HTR4: variants seen among roughly 807,000 people sequenced by gnomAD.
HTR4 encodes the protein 5-hydroxytryptamine receptor 4, also known as 5-hydroxytryptamine (serotonin) receptor 4, G protein-coupled.
Under a neutral mutation model 36.8 loss-of-function variants are expected in HTR4, and 16 were observed. The ratio of observed to expected loss-of-function variants is 0.43; its 90% CI spans 0.29 to 0.66. The LOEUF (loss-of-function observed/expected upper bound fraction) is 0.66, where lower values mean the gene tolerates loss of function less well. Among genes scored for constraint, HTR4 ranks in the 30% least tolerant of loss-of-function variants. HTR4 has a pLI of 0.13. For missense variants in HTR4, 438 were observed against 490.9 expected (o/e 0.89, Z 1.02); for synonymous variants, 189 against 185.1 (o/e 1.02, Z -0.17).
At chr5:148,628,787 G>A (rs1753213567) in intron 2 of HTR4, 1 of 152,158 alleles carries the variant, frequency 6.6e-6, no homozygotes, top group Non-Finnish European at 1.5e-5. Flanking sequence ...CCAAATTATA[G>A]AAAGGAGCTT....
chr5:148,458,653 C>T (rs762557346), intron 5 of HTR4, among the ~76,000 whole-genome samples: 3 of 152,080 alleles, frequency 2.0e-5, no homozygotes, highest in Non-Finnish European at 4.4e-5. Flanking sequence ...GGGGAGGATG[C>T]AGGCAAAAGG....
At chr5:148,580,650 G>T (rs190986618) in intron 2 of HTR4, among the ~76,000 whole-genome samples, 1 of 152,000 alleles carries the variant, frequency 6.6e-6, no homozygotes, top group Non-Finnish European at 1.5e-5. Context: ...GACTTATGTC[G>T]CTTAACATAA....
rs1754126554 is a variant in HTR4 at position 148,654,197 on chromosome 5, G to T, written c.-183C>A. 3.9e-5 allele frequency: 38 copies of T among 985,238 alleles called. No individual in the cohort carries two copies. The highest frequency in any genetic ancestry group is 3.7e-4 in the South Asian group (8 of 21,334). The allele number at this position is 985,238 out of a possible 1,614,324, so 61.0% of individuals were successfully genotyped here. On this transcript the variant is annotated 5_prime_UTR_variant, in exon 1 of 7. Coordinates refer to ENST00000377888, the MANE Select transcript of HTR4 (RefSeq NM_000870.7). The stretch of plus-strand genomic sequence containing the variant: ...CTGCGCCCTCCCTGCCGCCCCCTCG[G>T]GTGCGGGCTCCAGCCCCCGCGCTGG...
intron 2 of HTR4, among the ~76,000 whole-genome samples, chr5:148,571,542 A>G (rs1760678192): frequency 6.6e-6 from 1 of 152,122 alleles, no homozygotes. Context: ...ATTTCATTTC[A>G]GTATTGTAAA....
chr5:148,479,332 C>G (rs1755802526), downstream of HTR4, among the ~76,000 whole-genome samples: 1 of 152,022 alleles, frequency 6.6e-6, no homozygotes, highest in Admixed American at 6.5e-5. Context: ...GACATAGCTA[C>G]TGGAGAATGC....
intron 2 of HTR4, among the ~76,000 whole-genome samples, chr5:148,554,591 T>C (rs1658822305): frequency 2.6e-5 from 4 of 152,168 alleles, no homozygotes; most frequent in Admixed American, 2.6e-4. Context: ...TTAAGAATTA[T>C]AGAGTGTTTG....
At chr5:148,599,285 C>A (rs535449979) in intron 2 of HTR4, among the ~76,000 whole-genome samples, 2 of 151,890 alleles carry the variant, frequency 1.3e-5, no homozygotes, top group African/African-American at 4.8e-5. Flanking sequence ...ATATTATGAC[C>A]GCAACCAAGA....
At chr5:148,598,155 A>T (rs1369386697) in intron 2 of HTR4, among the ~76,000 whole-genome samples, 1 of 152,118 alleles carries the variant, frequency 6.6e-6, no homozygotes, top group Non-Finnish European at 1.5e-5. Context: ...TGTGCACAGG[A>T]GAGTCAGAAG....
At chr5:148,624,995 G>A (rs1003809757) in intron 2 of HTR4, among the ~76,000 whole-genome samples, 5 of 152,120 alleles carry the variant, frequency 3.3e-5, no homozygotes, top group East Asian at 1.9e-4. Flanking sequence ...ATTGATAACA[G>A]CAATTTGTAT....
At chr5:148,478,271 T>C (rs1755763471), downstream of HTR4, among the ~76,000 whole-genome samples, 2 of 152,210 alleles carry the variant, frequency 1.3e-5, no homozygotes, top group Admixed American at 1.3e-4. Context: ...AATCTAGAGA[T>C]GCTCCAACAT....
chr5:148,620,745 T>C, intron 2 of HTR4, among the ~76,000 whole-genome samples: 1 of 152,236 alleles, frequency 6.6e-6, no homozygotes, highest in East Asian at 1.9e-4. Flanking sequence ...ATTATATTTC[T>C]ATTGGACAAC....
chr5:148,613,482 C>A (rs1207081616), intron 2 of HTR4, among the ~76,000 whole-genome samples: 38 of 151,272 alleles, frequency 2.5e-4, no homozygotes, highest in African/African-American at 3.6e-4. Flanking sequence ...ATTCAACAAC[C>A]CTTCATGCTA....
intron 2 of HTR4, among the ~76,000 whole-genome samples, chr5:148,611,035 C>G (rs1338215400): frequency 6.7e-6 from 1 of 149,048 alleles, no homozygotes; most frequent in Non-Finnish European, 1.5e-5. Context: ...TGTGAAAAGA[C>G]CAAATCTACG....
At chr5:148,502,055 G>C (rs1756958603) in intron 6 of HTR4, among the ~76,000 whole-genome samples, 1 of 148,440 alleles carries the variant, frequency 6.7e-6, no homozygotes, top group Non-Finnish European at 1.5e-5. Context: ...GCGAAACTCT[G>C]TCTCAAAAAG....
chr5:148,480,805 C>G (rs1361722782), downstream of HTR4, among the ~76,000 whole-genome samples: 1 of 152,136 alleles, frequency 6.6e-6, no homozygotes, highest in Non-Finnish European at 1.5e-5. Flanking sequence ...GTTTACCTCC[C>G]GGTAAATAAA....
intron 5 of HTR4, among the ~76,000 whole-genome samples, chr5:148,515,794 T>C (rs1757721128): frequency 6.6e-6 from 1 of 151,954 alleles, no homozygotes; most frequent in Admixed American, 6.6e-5. Flanking sequence ...AGATATAGTT[T>C]TCTTCTTTAT....
At chr5:148,553,476 A>G (rs767795242) in intron 2 of HTR4, among the ~76,000 whole-genome samples, 2 of 152,194 alleles carry the variant, frequency 1.3e-5, no homozygotes, top group African/African-American at 4.8e-5. Context: ...TGCAGCTTGG[A>G]TAGAGAAATT....
At chr5:148,494,481 T>A (rs934014458) in intron 6 of HTR4, among the ~76,000 whole-genome samples, 1 of 152,254 alleles carries the variant, frequency 6.6e-6, no homozygotes, top group African/African-American at 2.4e-5. Context: ...TGCCTCTTAC[T>A]CATTTTCACT....
chr5:148,535,072 G>T (rs1758748883), intron 4 of HTR4, among the ~76,000 whole-genome samples: 1 of 152,104 alleles, frequency 6.6e-6, no homozygotes, highest in Non-Finnish European at 1.5e-5. Context: ...TTGACCATAT[G>T]TCTAAGTGCC....
Sources: gnomAD v4.1 joint callset for allele counts (sites outside exome capture counted in the v4.1 genomes callset) on GRCh38, gnomAD v4.1.1 for gene constraint, MANE v1.5 for transcripts, NCBI Gene and HGNC (gene_info 2026-07-23, HGNC 2026-07-21) for gene names.